Variants in WDPCP observed in about 807,000 individuals in gnomAD.
WDPCP encodes WD repeat containing planar cell polarity effector.
WDPCP carries 71 observed loss-of-function variants against 93.1 expected under a neutral mutation model. The ratio of observed to expected loss-of-function variants is 0.76; its 90% CI spans 0.63 to 0.93. WDPCP has a LOEUF of 0.93. WDPCP is among the 40% of genes least tolerant of loss of function. WDPCP has a pLI of 0.00. For synonymous variants in WDPCP, 315 were observed against 315.0 expected, an observed-to-expected ratio of 1.00 and a Z score of 0.00; for missense variants, 844 against 887.4, an observed-to-expected ratio of 0.95 and a Z score of 0.62.
At chr2:63,817,800 C>T (rs1670960380) in intron 1 of WDPCP, among the ~76,000 whole-genome samples, 1 of 152,124 alleles carries the variant, frequency 6.6e-6, no homozygotes, top group African/African-American at 2.4e-5. Context: ...ACATTTATAA[C>T]TATAGAAGCC....
intron 1 of WDPCP, among the ~76,000 whole-genome samples, chr2:63,497,264 T>G (rs529423640): frequency 6.6e-6 from 1 of 152,206 alleles, no homozygotes; most frequent in East Asian, 1.9e-4. Context: ...GTGCCCTGTA[T>G]CATCTGAAGA....
intron 10 of WDPCP, among the ~76,000 whole-genome samples, chr2:63,393,926 A>G (rs1249847602): frequency 6.6e-6 from 1 of 152,188 alleles, no homozygotes; most frequent in East Asian, 1.9e-4. Context: ...TCAATTAAAG[A>G]TGGATTAAAG....
chr2:63,783,475 G>C (rs1218756181), intron 2 of WDPCP, among the ~76,000 whole-genome samples: 1 of 152,066 alleles, frequency 6.6e-6, no homozygotes, highest in Non-Finnish European at 1.5e-5. Context: ...GTAGTCATAT[G>C]TTTATTGCAG....
At chr2:63,160,809 A>T (rs1672594811) in intron 15 of WDPCP, among the ~76,000 whole-genome samples, 1 of 152,176 alleles carries the variant, frequency 6.6e-6, no homozygotes, top group Non-Finnish European at 1.5e-5. Flanking sequence ...GTTGATGGGG[A>T]AGTTTATAAT....
At chr2:63,387,433 G>A (rs989715163) in intron 10 of WDPCP, among the ~76,000 whole-genome samples, 11 of 151,376 alleles carry the variant, frequency 7.3e-5, no homozygotes, top group African/African-American at 2.2e-4. Context: ...ATCCAACATC[G>A]CTTCATGTTA....
intron 2 of WDPCP, among the ~76,000 whole-genome samples, chr2:63,742,794 G>A (rs1291273846): frequency 6.6e-6 from 1 of 150,852 alleles, no homozygotes; most frequent in African/African-American, 2.4e-5. Context: ...AGCAGCACCA[G>A]GGAAACTCTA....
intron 17 of WDPCP, among the ~76,000 whole-genome samples, chr2:63,127,128 T>C (rs1377452488): frequency 1.3e-5 from 2 of 149,864 alleles, no homozygotes; most frequent in Admixed American, 6.6e-5. Context: ...TAACTTTTTT[T>C]TTTTTTTTTT....
At chr2:63,499,612 G>A (rs981309104) in intron 1 of WDPCP, among the ~76,000 whole-genome samples, 1 of 152,172 alleles carries the variant, frequency 6.6e-6, no homozygotes, top group Non-Finnish European at 1.5e-5. Context: ...GAATTGGGGT[G>A]GTGGCAGCTG....
At chr2:63,765,644 A>C (rs1030269327) in intron 2 of WDPCP, among the ~76,000 whole-genome samples, 4 of 152,200 alleles carry the variant, frequency 2.6e-5, no homozygotes, top group Non-Finnish European at 5.9e-5. Context: ...TCCCAAAGAC[A>C]TGGATTCAAT....
intron 17 of WDPCP, among the ~76,000 whole-genome samples, chr2:63,127,273 C>T (rs1002701996): frequency 3.2e-4 from 49 of 151,810 alleles, no homozygotes; most frequent in Admixed American, 1.4e-3. Context: ...AGGCATGAGC[C>T]GCCATACCCA....
chr2:63,350,895 A>G (rs1689552586), intron 12 of WDPCP, among the ~76,000 whole-genome samples: 1 of 152,102 alleles, frequency 6.6e-6, no homozygotes, highest in South Asian at 2.1e-4. Context: ...CTATCCTGAA[A>G]TCTAATTAAA....
At chr2:63,741,389 G>C (rs1328900258) in intron 2 of WDPCP, among the ~76,000 whole-genome samples, 1 of 151,954 alleles carries the variant, frequency 6.6e-6, no homozygotes, top group Admixed American at 6.6e-5. Context: ...TTTCTCCTGG[G>C]CATCTCTGGC....
At chr2:63,668,058 T>C (rs1374626171) in intron 2 of WDPCP, among the ~76,000 whole-genome samples, 1 of 152,126 alleles carries the variant, frequency 6.6e-6, no homozygotes, top group Non-Finnish European at 1.5e-5. Context: ...TAATACTAAA[T>C]TGTGATGATT....
chr2:63,687,100 T>C (rs1010037207), intron 2 of WDPCP, among the ~76,000 whole-genome samples: 12 of 152,234 alleles, frequency 7.9e-5, no homozygotes, highest in African/African-American at 2.7e-4. Flanking sequence ...CAAATACTCA[T>C]AATTTTTAAA....
chr2:63,554,470 G>A (rs1360792562), intron 1 of WDPCP, among the ~76,000 whole-genome samples: 1 of 151,982 alleles, frequency 6.6e-6, no homozygotes. Flanking sequence ...TGGCCAACGT[G>A]GCAAAACCCC....
At chr2:63,737,559 T>C (rs111368250) in intron 2 of WDPCP, among the ~76,000 whole-genome samples, 5 of 152,302 alleles carry the variant, frequency 3.3e-5, no homozygotes, top group African/African-American at 1.2e-4. Flanking sequence ...GCTGTCTTAA[T>C]ACAACCTCTG....
At chr2:63,340,241 A>G (rs1446549958) in intron 12 of WDPCP, among the ~76,000 whole-genome samples, 1 of 152,142 alleles carries the variant, frequency 6.6e-6, no homozygotes, top group Non-Finnish European at 1.5e-5. Context: ...GCTATAGTAA[A>G]TGATCAGAGT....
intron 2 of WDPCP, among the ~76,000 whole-genome samples, chr2:63,806,821 T>C (rs1670774301): frequency 6.6e-6 from 1 of 152,138 alleles, no homozygotes; most frequent in East Asian, 1.9e-4. Flanking sequence ...TGGTCAGAGT[T>C]TAAGGTTATC....
intron 1 of WDPCP, among the ~76,000 whole-genome samples, chr2:63,574,271 G>C (rs778752125): frequency 1.3e-5 from 2 of 152,060 alleles, no homozygotes; most frequent in African/African-American, 2.4e-5. Flanking sequence ...GTCTCCCCCG[G>C]ACACCCAGCT....
Sources: gnomAD v4.1 joint callset for allele counts (sites outside exome capture counted in the v4.1 genomes callset) on GRCh38, gnomAD v4.1.1 for gene constraint, MANE v1.5 for transcripts, NCBI Gene and HGNC (gene_info 2026-07-23, HGNC 2026-07-21) for gene names.